ZNG1E: variants seen among roughly 807,000 people sequenced by gnomAD.
The protein encoded by ZNG1E is Zn regulated GTPase metalloprotein activator 1E.
chr9:65,674,118 AG>A, the ZNG1E span, among the ~76,000 whole-genome samples: 1 of 149,464 alleles, frequency 6.7e-6, no homozygotes, highest in East Asian at 2.0e-4. Flanking sequence ...CTCCTTTGGT[AG>A]AATAAAGTGA....
the ZNG1E span, among the ~76,000 whole-genome samples, chr9:65,698,867 ATT>A: frequency 1.4e-5 from 2 of 140,538 alleles, no homozygotes; most frequent in African/African-American, 2.8e-5. Flanking sequence ...GGGATTGAAG[ATT>A]TTTTATATAT....
chr9:65,680,366 AAC>A, the ZNG1E span, among the ~76,000 whole-genome samples: 1 of 152,242 alleles, frequency 6.6e-6, no homozygotes, highest in Non-Finnish European at 1.5e-5. Flanking sequence ...GATTTCTAAT[AAC>A]AGACTGTTTT....
the ZNG1E span, among the ~76,000 whole-genome samples, chr9:65,665,220 C>A: frequency 6.6e-6 from 1 of 152,388 alleles, no homozygotes; most frequent in African/African-American, 2.4e-5. Context: ...TTCTTCATGG[C>A]AGCCCCTCCC....
the ZNG1E span, among the ~76,000 whole-genome samples, chr9:65,672,406 C>A: frequency 6.6e-6 from 1 of 151,576 alleles, no homozygotes; most frequent in Non-Finnish European, 1.5e-5. Flanking sequence ...TTTAAAAAGG[C>A]ATTTTCAATT....
the ZNG1E span, among the ~76,000 whole-genome samples, chr9:65,715,306 C>T: frequency 6.6e-6 from 1 of 150,534 alleles, no homozygotes; most frequent in South Asian, 2.1e-4. Flanking sequence ...CTGGCACTCC[C>T]TAGTGAGATG....
chr9:65,663,519 G>A, the ZNG1E span, among the ~76,000 whole-genome samples: 5 of 138,906 alleles, frequency 3.6e-5, no homozygotes, highest in African/African-American at 1.1e-4. Flanking sequence ...ATCGAAATAC[G>A]ATGCAAAGCC....
the ZNG1E span, chr9:65,732,220 CA>C: frequency 1.5e-5 from 3 of 204,358 alleles, no homozygotes; most frequent in Non-Finnish European, 2.4e-5. Flanking sequence ...ATACTCTAAA[CA>C]AAGTTACAAA....
chr9:65,702,089 G>A, the ZNG1E span, among the ~76,000 whole-genome samples: 1 of 150,228 alleles, frequency 6.7e-6, no homozygotes, highest in African/African-American at 2.5e-5. Flanking sequence ...GTGAAAAAAG[G>A]TAAACATGTT....
chr9:65,681,866 T>A, the ZNG1E span: 1 of 1,453,010 alleles, frequency 6.9e-7, no homozygotes. Context: ...CTCTAATGTT[T>A]TGGTCCTTTT....
chr9:65,680,631 C>T, the ZNG1E span, among the ~76,000 whole-genome samples: 1 of 152,252 alleles, frequency 6.6e-6, no homozygotes, highest in Non-Finnish European at 1.5e-5. Context: ...AGCTCATTTG[C>T]TTAGTGGACT....
chr9:65,684,460 C>T, the ZNG1E span, among the ~76,000 whole-genome samples: 2 of 152,234 alleles, frequency 1.3e-5, no homozygotes, highest in African/African-American at 4.8e-5. Context: ...CGCTTGAAAG[C>T]TGGGAGGCGG....
At chr9:65,661,736 A>G in the ZNG1E span, among the ~76,000 whole-genome samples, 1 of 152,226 alleles carries the variant, frequency 6.6e-6, no homozygotes, top group Non-Finnish European at 1.5e-5. Context: ...AGGCAGACCA[A>G]TGGTTACCTG....
chr9:65,696,043 C>G, the ZNG1E span, among the ~76,000 whole-genome samples: 1 of 115,858 alleles, frequency 8.6e-6, no homozygotes, highest in African/African-American at 3.0e-5. Flanking sequence ...ACTTAACGAC[C>G]AAATGGTATA....
the ZNG1E span, chr9:65,690,720 G>C: frequency 1.8e-6 from 1 of 565,376 alleles, no homozygotes; most frequent in Non-Finnish European, 3.1e-6. Context: ...TTTATATGTG[G>C]TTAGAATTGG....
the ZNG1E span, among the ~76,000 whole-genome samples, chr9:65,671,281 T>C: frequency 2.0e-5 from 3 of 151,868 alleles, no homozygotes; most frequent in Non-Finnish European, 4.4e-5. Context: ...CACTGGATTT[T>C]GTAAGGTGGG....
the ZNG1E span, among the ~76,000 whole-genome samples, chr9:65,676,556 G>A: frequency 2.0e-5 from 3 of 149,142 alleles, no homozygotes; most frequent in Admixed American, 1.3e-4. Flanking sequence ...TGTCCGACAC[G>A]TGGGGCTTTC....
At chr9:65,705,100 A>G in the ZNG1E span, among the ~76,000 whole-genome samples, 2 of 150,556 alleles carry the variant, frequency 1.3e-5, no homozygotes, top group African/African-American at 4.9e-5. Context: ...GTTAAGATTA[A>G]GGAAAAGGAA....
chr9:65,659,052 C>T, the ZNG1E span, among the ~76,000 whole-genome samples: 1 of 152,166 alleles, frequency 6.6e-6, no homozygotes, highest in East Asian at 1.9e-4. Flanking sequence ...ATTCAGCCTA[C>T]AAAAACTGGA....
At chr9:65,714,386 C>A in the ZNG1E span, among the ~76,000 whole-genome samples, 2 of 151,626 alleles carry the variant, frequency 1.3e-5, no homozygotes, top group Non-Finnish European at 2.9e-5. Context: ...CAGCTTTGTT[C>A]TGTTGTTGGT....
Sources: allele counts gnomAD v4.1 joint callset (sites outside exome capture counted in the v4.1 genomes callset), GRCh38; gene constraint gnomAD v4.1.1; transcripts MANE v1.5; gene names NCBI Gene and HGNC (gene_info 2026-07-23, HGNC 2026-07-21).